Variants in HACE1 observed in about 807,000 individuals in gnomAD.
The protein encoded by HACE1 is E3 ubiquitin-protein ligase HACE1.
In HACE1, 73 loss-of-function variants were observed where a neutral mutation model predicts 118.4. The ratio of observed to expected loss-of-function variants is 0.62; its 90% confidence interval spans 0.51 to 0.75. HACE1 has a LOEUF of 0.75. HACE1 is among the 30% of genes least tolerant of loss of function. The pLI, the probability that HACE1 is intolerant of heterozygous loss-of-function variation, is 0.00. For missense variants in HACE1, 749 were observed against 1,102.2 expected, an observed-to-expected ratio of 0.68 and a Z score of 4.54; for synonymous variants, 368 against 374.8, an observed-to-expected ratio of 0.98 and a Z score of 0.21.
At chr6:104,819,303 T>A (rs918375745) in intron 6 of HACE1, among the ~76,000 whole-genome samples, 2 of 151,818 alleles carry the variant, frequency 1.3e-5, no homozygotes, top group African/African-American at 4.8e-5. Flanking sequence ...ACAAAAAGAA[T>A]TAAAAACCTA....
intron 6 of HACE1, among the ~76,000 whole-genome samples, chr6:104,820,194 CAA>C (rs60172674): frequency 1.5e-4 from 9 of 58,874 alleles, no homozygotes; most frequent in Admixed American, 1.6e-4. Flanking sequence ...GACTCCGTCT[CAA>C]AAAAAAAAAA....
chr6:104,804,295 T>G (rs1048984460), intron 7 of HACE1, among the ~76,000 whole-genome samples: 4 of 152,158 alleles, frequency 2.6e-5, no homozygotes, highest in Non-Finnish European at 5.9e-5. Flanking sequence ...CTGCCCAAGG[T>G]AATTTACAGA....
At chr6:104,793,497 A>C (rs1783287865) in intron 10 of HACE1, among the ~76,000 whole-genome samples, 1 of 152,194 alleles carries the variant, frequency 6.6e-6, no homozygotes, top group South Asian at 2.1e-4. Flanking sequence ...CAAACGCCTC[A>C]GTAAATGTTT....
chr6:104,781,214 T>C (rs1382230083), intron 14 of HACE1, among the ~76,000 whole-genome samples: 2 of 152,190 alleles, frequency 1.3e-5, no homozygotes, highest in Non-Finnish European at 2.9e-5. Flanking sequence ...TACAGACTCA[T>C]AGATTCCTGT....
At chr6:104,772,992 A>C (rs1396681132) in intron 17 of HACE1, among the ~76,000 whole-genome samples, 1 of 152,164 alleles carries the variant, frequency 6.6e-6, no homozygotes, top group Non-Finnish European at 1.5e-5. Context: ...CACTTTCAAT[A>C]ATATAAATGG....
At chr6:104,831,985 A>AGAGAAGAGAAGAGAAGAGG (rs1774011542) in intron 6 of HACE1, among the ~76,000 whole-genome samples, 1 of 12,968 alleles carries the variant, frequency 7.7e-5, no homozygotes, top group Non-Finnish European at 2.9e-4. Context: ...GAAGAGAGGA[A>AGAGAAGAGAAGAGAAGAGG]GGAAGGAAGG....
intron 19 of HACE1, among the ~76,000 whole-genome samples, chr6:104,769,459 C>G (rs572332560): frequency 1.3e-5 from 2 of 152,222 alleles, no homozygotes; most frequent in South Asian, 4.2e-4. Flanking sequence ...CTTCATTACC[C>G]TTAATTGAGG....
Position 104,811,368 on chromosome 6 carries a change from CCACTGTCTAGCAAGCACTG to C in HACE1, c.541_559del (p.Gln181ValfsTer44). 1 of 1,539,198 alleles carries C rather than the reference CCACTGTCTAGCAAGCACTG, an allele frequency of 6.5e-7. No individual in the cohort carries two copies. The highest frequency in any genetic ancestry group is 9.0e-7 in the Non-Finnish European group (1 of 1,114,140). On this transcript the variant is annotated frameshift_variant, in exon 7 of 24. Transcript: ENST00000262903. LOFTEE classifies it high-confidence loss of function. ...TACATTTGGCCTGTTAATATCAGCA[CCACTGTCTAGCAAGCACTG>C]CACTGTCTGAGGGGGAAAAAATAAT... is the stretch of plus-strand genomic sequence containing the variant.
intron 20 of HACE1, 46 bp downstream of exon 20, chr6:104,750,295 T>G (rs1187932351): frequency 2.0e-6 from 3 of 1,526,622 alleles, no homozygotes; most frequent in Non-Finnish European, 2.7e-6. Context: ...TCAACTAGAG[T>G]TTTTTGTTGT....
At chr6:104,756,760 G>A (rs992956030) in intron 19 of HACE1, among the ~76,000 whole-genome samples, 4 of 152,202 alleles carry the variant, frequency 2.6e-5, no homozygotes, top group South Asian at 2.1e-4. Flanking sequence ...CCCGGGAAGC[G>A]CAAGGGGTCA....
intron 19 of HACE1, 107 bp downstream of exon 19, chr6:104,771,086 T>C (rs772935492): frequency 1.4e-5 from 11 of 781,748 alleles, no homozygotes; most frequent in Non-Finnish European, 2.5e-5. Context: ...GCTATGATAC[T>C]GTAATAGTAA....
chr6:104,794,946 A>G (rs1783456515), intron 10 of HACE1, among the ~76,000 whole-genome samples: 1 of 152,086 alleles, frequency 6.6e-6, no homozygotes, highest in South Asian at 2.1e-4. Flanking sequence ...GTGTGTATAC[A>G]TATATACAAT....
intron 22 of HACE1, chr6:104,732,363 C>G (rs1775304022): frequency 6.6e-6 from 1 of 152,044 alleles, no homozygotes; most frequent in African/African-American, 2.4e-5. Context: ...ATTATTTAGC[C>G]TTAAAAAGGA....
At position 104,771,303 on chromosome 6, in the gene HACE1, C is replaced by A. The variant is rs1264299844; in HGVS notation, c.2101G>T (p.Asp701Tyr). 2 of 1,610,994 alleles carry A rather than the reference C, an allele frequency of 1.2e-6. No homozygotes were observed. The highest frequency in any genetic ancestry group is 1.7e-6 in the Non-Finnish European group (2 of 1,177,304). The change falls in exon 19 of 24, where the codon GAT (aspartate) becomes TAT (tyrosine). Residue 701 changes from aspartate to tyrosine, a missense_variant. Around this residue, in one of 5 missense-constraint regions of HACE1, gnomAD observed 195 missense variants for 322.1 expected, o/e 0.61. Coordinates refer to ENST00000262903, the MANE Select transcript of HACE1 (RefSeq NM_020771.4). ...LQWILDNDISDLGLELTFSVE... is the reference protein window; with the variant it reads ...LQWILDNDISYLGLELTFSVE... ...GAAAAAGTTAGTTCTAGACCCAGAT[C>A]ACTTATATCATTATCTAAAATCCAT...
intron 6 of HACE1, among the ~76,000 whole-genome samples, chr6:104,827,860 C>T (rs895056999): frequency 2.6e-5 from 4 of 152,124 alleles, no homozygotes; most frequent in South Asian, 2.1e-4. Flanking sequence ...GTCTATTATA[C>T]TAAGGGTTCA....
At chr6:104,803,819 G>A (rs948517172) in intron 7 of HACE1, among the ~76,000 whole-genome samples, 23 of 152,216 alleles carry the variant, frequency 1.5e-4, no homozygotes, top group South Asian at 8.3e-4. Flanking sequence ...GAAGGATGCC[G>A]TCTCTCACCA....
At chr6:104,740,701 A>G (rs1008663068) in intron 22 of HACE1, among the ~76,000 whole-genome samples, 13 of 147,518 alleles carry the variant, frequency 8.8e-5, no homozygotes, top group African/African-American at 3.3e-4. Context: ...CCAGGACCAG[A>G]TGGATTCACA....
At chr6:104,750,930 A>G (rs1472870643) in intron 19 of HACE1, among the ~76,000 whole-genome samples, 1 of 152,208 alleles carries the variant, frequency 6.6e-6, no homozygotes, top group East Asian at 1.9e-4. Context: ...GTACATGTAA[A>G]TAACTCAGAT....
At chr6:104,808,757 T>C (rs1372011627) in intron 7 of HACE1, among the ~76,000 whole-genome samples, 1 of 152,132 alleles carries the variant, frequency 6.6e-6, no homozygotes, top group Non-Finnish European at 1.5e-5. Flanking sequence ...AAATAACACA[T>C]TGGGAATAAC....
Sources: allele counts gnomAD v4.1 joint callset (sites outside exome capture counted in the v4.1 genomes callset), GRCh38; gene constraint gnomAD v4.1.1; regional missense constraint gnomAD v4.1.1; transcripts MANE v1.5; gene names NCBI Gene and HGNC (gene_info 2026-07-23, HGNC 2026-07-21).